Variants in ELAVL2 observed in about 807,000 individuals in gnomAD.
ELAVL2 encodes the protein ELAV like RNA binding protein 2, also known as ELAV-like protein 2.
In ELAVL2, 4 loss-of-function variants were observed where a neutral mutation model predicts 34.6. The observed-to-expected ratio is 0.12, with a 90% CI of 0.06 to 0.26. The LOEUF (loss-of-function observed/expected upper bound fraction) is 0.26. Ranked by LOEUF, ELAVL2 falls within the 10% of genes least tolerant of loss-of-function variation. The pLI is 1.00. For missense variants in ELAVL2, 432 were observed against 442.8 expected, an observed-to-expected ratio of 0.98 and a Z score of 0.22; for synonymous variants, 193 against 154.8, an observed-to-expected ratio of 1.25 and a Z score of -1.83.
chr9:23,778,339 T>G (rs1054614773), intron 1 of ELAVL2, among the ~76,000 whole-genome samples: 1 of 152,226 alleles, frequency 6.6e-6, no homozygotes, highest in African/African-American at 2.4e-5. Flanking sequence ...TGAAAACATG[T>G]TACGTGGTTT....
intron 1 of ELAVL2, chr9:23,821,767 C>A (rs1056130506): frequency 6.7e-6 from 1 of 150,172 alleles, no homozygotes; most frequent in African/African-American, 2.4e-5. Flanking sequence ...CCGCGCCGCG[C>A]CGCGCCGCGC....
chr9:23,809,056 C>T (rs34366118), intron 1 of ELAVL2, among the ~76,000 whole-genome samples: 1 of 152,126 alleles, frequency 6.6e-6, no homozygotes, highest in Non-Finnish European at 1.5e-5. Context: ...GAGTAAAATG[C>T]TATTGAGCTT....
At chr9:23,756,257 G>A (rs947736131) in intron 2 of ELAVL2, among the ~76,000 whole-genome samples, 11 of 152,292 alleles carry the variant, frequency 7.2e-5, no homozygotes, top group Middle Eastern at 3.4e-3. Context: ...GCCCTAAGGC[G>A]TGCTGGGGCA....
At chr9:23,819,725 C>T (rs1445892059) in intron 1 of ELAVL2, among the ~76,000 whole-genome samples, 1 of 152,106 alleles carries the variant, frequency 6.6e-6, no homozygotes, top group Non-Finnish European at 1.5e-5. Context: ...GTTTTAACCA[C>T]ACAAAAATAA....
At chr9:23,718,322 C>A (rs1323377135) in intron 3 of ELAVL2, among the ~76,000 whole-genome samples, 1 of 152,110 alleles carries the variant, frequency 6.6e-6, no homozygotes, top group Admixed American at 6.5e-5. Flanking sequence ...AAACCATACG[C>A]TATCCAAGAT....
At chr9:23,777,759 C>G (rs2136614545) in intron 1 of ELAVL2, among the ~76,000 whole-genome samples, 1 of 152,324 alleles carries the variant, frequency 6.6e-6, no homozygotes, top group Admixed American at 6.5e-5. Flanking sequence ...CTCTGCATCG[C>G]TGGCTACCAA....
chr9:23,786,207 A>C (rs1564459742), intron 1 of ELAVL2, among the ~76,000 whole-genome samples: 1 of 152,016 alleles, frequency 6.6e-6, no homozygotes, highest in Admixed American at 6.5e-5. Context: ...TAACATAGAA[A>C]AGCTGTTTAA....
intron 1 of ELAVL2, among the ~76,000 whole-genome samples, chr9:23,800,562 T>C (rs2061459783): frequency 6.6e-6 from 1 of 152,190 alleles, no homozygotes; most frequent in Non-Finnish European, 1.5e-5. Context: ...AGATATCAGA[T>C]GGAAATTTTA....
rs537890138 is a variant in ELAVL2 at position 23,746,808 on chromosome 9, TA to T, written c.229+15197del. On this transcript the variant is annotated intron_variant, in intron 2 of 6. Coordinates refer to ENST00000397312, the MANE Select transcript of ELAVL2 (RefSeq NM_004432.5). ...GAACATCCTTAGAAGTCTTTCCATG[TA>T]AACTGAAAAAGAAAAAAAAAAAAAA... Among the ~76,000 whole-genome samples, 134 of 136,090 alleles carry T rather than the reference TA, an allele frequency of 9.8e-4. 1 individual carries two copies. Among genetic ancestry groups the T allele is most frequent in the Non-Finnish European group, 8.6e-4 (55 of 63,840 alleles). 89.3% of individuals were successfully genotyped at this position (136,090 alleles called of 152,430 possible). A position where few individuals can be genotyped will look rare whatever the true frequency, so the allele number is the denominator to read the frequency against.
At chr9:23,826,426 G>C (rs987960264), upstream of ELAVL2, 13 of 152,314 alleles carry the variant, frequency 8.5e-5, no homozygotes, top group Non-Finnish European at 1.2e-4. Context: ...TGGTCCACAC[G>C]CTTCCATTGA....
upstream of ELAVL2, among the ~76,000 whole-genome samples, chr9:23,830,624 A>ACACACACACACACACACC (rs34847005): frequency 8.1e-6 from 1 of 124,074 alleles, no homozygotes; most frequent in Non-Finnish European, 1.8e-5. Flanking sequence ...ACACACACAC[A>ACACACACACACACACACC]CCTTTTTTTT....
intron 2 of ELAVL2, among the ~76,000 whole-genome samples, chr9:23,738,288 G>GT (rs1206097046): frequency 1.3e-5 from 2 of 152,206 alleles, no homozygotes; most frequent in Non-Finnish European, 2.9e-5. Context: ...CTCTAGTCAC[G>GT]TTTTTCTCCA....
At chr9:23,764,686 G>C (rs950004869) in intron 1 of ELAVL2, among the ~76,000 whole-genome samples, 5 of 151,872 alleles carry the variant, frequency 3.3e-5, no homozygotes, top group African/African-American at 1.2e-4. Flanking sequence ...AGAATGTATA[G>C]AATTACGGTA....
chr9:23,769,371 C>A (rs1239814508), intron 1 of ELAVL2, among the ~76,000 whole-genome samples: 2 of 152,162 alleles, frequency 1.3e-5, no homozygotes, highest in African/African-American at 4.8e-5. Flanking sequence ...CCGACACACA[C>A]CATTCCTATA....
At chr9:23,768,929 G>T (rs565217409) in intron 1 of ELAVL2, among the ~76,000 whole-genome samples, 1 of 152,250 alleles carries the variant, frequency 6.6e-6, no homozygotes, top group African/African-American at 2.4e-5. Flanking sequence ...AAACAGAAAC[G>T]ATAACATCTC....
chr9:23,719,740 C>G (rs887581473), intron 3 of ELAVL2, among the ~76,000 whole-genome samples: 2 of 151,566 alleles, frequency 1.3e-5, no homozygotes, highest in African/African-American at 4.9e-5. Flanking sequence ...GCTCAAATAT[C>G]AAGACACTGG....
chr9:23,755,691 C>A (rs896472336), intron 2 of ELAVL2, among the ~76,000 whole-genome samples: 17 of 152,066 alleles, frequency 1.1e-4, no homozygotes, highest in Non-Finnish European at 1.2e-4. Flanking sequence ...CACTGCGGAC[C>A]AAAGCATTTA....
At chr9:23,720,531 G>A (rs1410088305) in intron 3 of ELAVL2, among the ~76,000 whole-genome samples, 1 of 152,110 alleles carries the variant, frequency 6.6e-6, no homozygotes, top group Admixed American at 6.6e-5. Flanking sequence ...AATACCCTCA[G>A]AAGCAAATAA....
chr9:23,690,445 T>C lies in ELAVL2; in HGVS notation c.*2112A>G, dbSNP rs1359638815. 1.3e-5 allele frequency: 2 copies of C among 152,458 alleles called. No individual in the cohort carries two copies. Among genetic ancestry groups the C allele is most frequent in the Non-Finnish European group, 2.9e-5 (2 of 67,984 alleles). 9.4% of individuals were successfully genotyped at this position (152,458 alleles called of 1,614,324 possible). ...TATATACATGTATTTTATTTTTTAG[T>C]GTTTTTCTTTTTTTAAACGCAGAAG... On this transcript the variant is annotated 3_prime_UTR_variant, in exon 7 of 7. Coordinates refer to ENST00000397312, the MANE Select transcript of ELAVL2 (RefSeq NM_004432.5).
Sources: allele counts gnomAD v4.1 joint callset (sites outside exome capture counted in the v4.1 genomes callset), GRCh38; gene constraint gnomAD v4.1.1; transcripts MANE v1.5; gene names NCBI Gene and HGNC (gene_info 2026-07-23, HGNC 2026-07-21).